BOD1L1: variants seen among roughly 807,000 people sequenced by gnomAD.
BOD1L1 encodes biorientation of chromosomes in cell division 1 like 1, also known as biorientation of chromosomes in cell division protein 1-like 1.
BOD1L1 carries 86 observed loss-of-function variants against 240.7 expected under a neutral mutation model. That is an observed-to-expected ratio of 0.36 (90% CI 0.30 to 0.43). The LOEUF is 0.43. BOD1L1 is among the 20% of genes least tolerant of loss of function. The pLI, the probability that BOD1L1 is intolerant of heterozygous loss-of-function variation, is 1.00. For missense variants in BOD1L1, 3,554 were observed against 3,643.5 expected (o/e 0.98, Z 0.63); for synonymous variants, 1,268 against 1,272.3 (o/e 1.00, Z 0.07).
At chr4:13,607,902 C>T (rs1010131507) in intron 8 of BOD1L1, among the ~76,000 whole-genome samples, 3 of 152,098 alleles carry the variant, frequency 2.0e-5, no homozygotes, top group Non-Finnish European at 4.4e-5. Flanking sequence ...ACTACTCTTA[C>T]CAAGTTCTGC....
At chr4:13,610,646 A>G (rs572837537) in intron 6 of BOD1L1, among the ~76,000 whole-genome samples, 1 of 152,354 alleles carries the variant, frequency 6.6e-6, no homozygotes, top group Admixed American at 6.5e-5. Context: ...CATCCCTAAG[A>G]TTTGTCACTA....
intron 2 of BOD1L1, among the ~76,000 whole-genome samples, chr4:13,617,069 A>T (rs1018103424): frequency 2.0e-5 from 3 of 151,928 alleles, no homozygotes; most frequent in Admixed American, 6.6e-5. Context: ...ACATGGTGAA[A>T]CCTCATCTCT....
chr4:13,623,358 T>A (rs1217590602), intron 1 of BOD1L1: 1 of 152,142 alleles, frequency 6.6e-6, no homozygotes, highest in Non-Finnish European at 1.5e-5. Context: ...AAATCAGACT[T>A]TCTTACTTGA....
At chr4:13,625,977 C>A (rs1717356413) in intron 1 of BOD1L1, 1 of 152,148 alleles carries the variant, frequency 6.6e-6, no homozygotes, top group Admixed American at 6.5e-5. Flanking sequence ...CACCTGAAAG[C>A]TTTAGAAGAA....
chr4:13,581,350 G>A, intron 19 of BOD1L1, 143 bp from the exon 20 acceptor site: 1 of 605,446 alleles, frequency 1.7e-6, no homozygotes, highest in East Asian at 2.8e-5. Context: ...AATATGTGAT[G>A]TAGGGCTTAG....
chr4:13,603,360 A>T lies in BOD1L1; in HGVS notation c.3540T>A (p.Ala1180=). 1 of 1,613,996 alleles carries T rather than the reference A, an allele frequency of 6.2e-7. No homozygotes were observed. The highest frequency in any genetic ancestry group is 2.2e-5 in the East Asian group (1 of 44,880). The change falls in exon 10 of 26, where the codon GCT becomes GCA. Residue 1180 remains alanine (A), a synonymous_variant. Coordinates refer to ENST00000040738, the MANE Select transcript of BOD1L1 (RefSeq NM_148894.3). ...CTADSKATAP[A]YKPGRGTGVN... ...CTCCTGTTCCACGGCCTGGCTTATA[A>T]GCTGGAGCTGTTGCTTTTGAATCTG...
chr4:13,601,831 A>T lies in BOD1L1; in HGVS notation c.5069T>A (p.Val1690Asp). ...TCTTATCTCTGTTCCAGCACTTGTA[A>T]CTGCTCCATCACTTTCAACTTCACT... ...FISEVESDGA[V>D]TSAGTEIRAG... The change falls in exon 10 of 26, where the codon GTT becomes GAT. Residue 1690 changes from valine to aspartate, a missense_variant. By Grantham distance (152) the Val-to-Asp change is radical (BLOSUM62 -3). Transcript: ENST00000040738. 1.2e-6 allele frequency: 2 copies of T among 1,613,890 alleles called. No homozygotes were observed. The highest frequency in any genetic ancestry group is 1.7e-6 in the Non-Finnish European group (2 of 1,179,876).
intron 1 of BOD1L1, among the ~76,000 whole-genome samples, chr4:13,622,661 C>T (rs1309757750): frequency 6.6e-6 from 1 of 152,192 alleles, no homozygotes; most frequent in African/African-American, 2.4e-5. Context: ...AAGGCATTCT[C>T]ATCTGTCTGA....
At chr4:13,585,688 T>C (rs768184739) in intron 17 of BOD1L1, among the ~76,000 whole-genome samples, 10 of 152,174 alleles carry the variant, frequency 6.6e-5, no homozygotes, top group South Asian at 4.1e-4. Flanking sequence ...TTTTGAATTA[T>C]AGGTCCCATA....
At chr4:13,625,245 T>A (rs948339926) in intron 1 of BOD1L1, 6 of 152,236 alleles carry the variant, frequency 3.9e-5, no homozygotes, top group Non-Finnish European at 8.8e-5. Flanking sequence ...TCTTATTCCA[T>A]GGTTCCTGAA....
rs150141176 is a variant in BOD1L1, at chr4:13,576,888, G to A, written c.8988C>T (p.Asp2996=). 329 of 1,613,816 alleles carry A rather than the reference G, an allele frequency of 2.0e-4. No homozygotes were observed. The highest frequency in any genetic ancestry group is 1.9e-3 in the African/African-American group (144 of 74,882). ...SDEEEEEEEE[D]EPSGATTRST... ...ATCTTGTGGTGGCTCCTGAAGGCTC[G>A]TCCTCTTCCTCTTCTTCCTCTTCCT... The change falls in exon 25 of 26, where the codon GAC becomes GAT. Residue 2996 remains aspartate, a synonymous_variant. Transcript: ENST00000040738.
intron 15 of BOD1L1, 139 bp from the exon 16 acceptor site, chr4:13,587,910 G>T: frequency 1.7e-6 from 1 of 594,140 alleles, no homozygotes; most frequent in African/African-American, 1.9e-5. Context: ...ACTTGGCCGG[G>T]TGCAGTGGCT....
chr4:13,582,275 G>C lies in BOD1L1; in HGVS notation c.8554C>G (p.Pro2852Ala), dbSNP rs1431774505. The C allele has an allele frequency of 1.2e-6, 2 of 1,613,458 alleles. No homozygotes were observed. The highest frequency in any genetic ancestry group is 3.3e-5 in the Admixed American group (2 of 59,982). ...YSSSETTGEK[P>A]EQNDDDTIKS... ...ATGGTGTCATCATCGTTCTGCTCTG[G>C]CTTTTCACCAGTAGTTTCACTGCTG... is the stretch of plus-strand genomic sequence containing the variant. Residue 2852 changes from proline to alanine, a missense_variant, in exon 19 of 26, where the codon CCA becomes GCA. Around this residue, in one of 2 missense-constraint regions of BOD1L1, gnomAD observed 3,393 missense variants for 3,427.1 expected, o/e 0.99. Coordinates refer to ENST00000040738, the MANE Select transcript of BOD1L1 (RefSeq NM_148894.3).
Position 13,604,547 on chromosome 4 carries a change from C to A in BOD1L1, c.2353G>T (p.Asp785Tyr). The change falls in exon 10 of 26, where the codon GAT (aspartate) becomes TAT (tyrosine). Residue 785 changes from aspartate (D) to tyrosine (Y), a missense_variant. Coordinates refer to ENST00000040738, the MANE Select transcript of BOD1L1 (RefSeq NM_148894.3). ...QSQQTKLSSD[D>Y]KTERKSKHRN... The stretch of plus-strand genomic sequence containing the variant: ...TGTTTACTTTTTCGTTCGGTTTTAT[C>A]ATCTGAAGAAAGCTTTGTTTGTTGA... 6.5e-7 allele frequency: 1 copy of A among 1,546,664 alleles called. No homozygotes were observed. Among genetic ancestry groups the A allele is most frequent in the South Asian group, 1.3e-5 (1 of 78,600 alleles).
At position 13,602,243 on chromosome 4, in the gene BOD1L1, G is replaced by T; in HGVS notation, c.4657C>A (p.Pro1553Thr). The T allele has an allele frequency of 6.2e-7, 1 of 1,613,804 alleles. No homozygotes were observed. Residue 1553 changes from proline (P) to threonine (T), a missense_variant, in exon 10 of 26, where the codon CCT becomes ACT. Pro to Thr is a conservative substitution (Grantham distance 38). Coordinates refer to ENST00000040738, the MANE Select transcript of BOD1L1 (RefSeq NM_148894.3). ...SETRQSEVAL[P>T]CTSIEADEGL... ...TCATCTGCCTCAATGCTGGTGCAAG[G>T]CAAAGCCACCTCACTTTGTCTTGTT...
chr4:13,600,200 C>T lies in BOD1L1; in HGVS notation c.6700G>A (p.Val2234Ile). The T allele has an allele frequency of 5.6e-6, 9 of 1,613,988 alleles. No individual in the cohort carries two copies. The highest frequency in any genetic ancestry group is 7.6e-6 in the Non-Finnish European group (9 of 1,179,888). ...CGCTCATTTTCACTTTCAACAACTA[C>T]ACCGGAAACAGAAGCCTCACATTCT... ...AEECEASVSGVVVESENERAG... is the reference protein window; with the variant it reads ...AEECEASVSGIVVESENERAG... The change falls in exon 10 of 26, where the codon GTA becomes ATA. Residue 2234 changes from valine to isoleucine, a missense_variant. Coordinates refer to ENST00000040738, the MANE Select transcript of BOD1L1 (RefSeq NM_148894.3).
intron 9 of BOD1L1, among the ~76,000 whole-genome samples, chr4:13,605,865 G>T (rs887190638): frequency 3.3e-5 from 5 of 152,052 alleles, no homozygotes; most frequent in African/African-American, 1.2e-4. Flanking sequence ...ATATGTTTAT[G>T]TATTCAAAAA....
Position 13,587,781 on chromosome 4 carries a change from A to G in BOD1L1, c.8281-10T>C. The G allele has an allele frequency of 6.5e-7, 1 of 1,532,218 alleles. No homozygotes were observed. Among genetic ancestry groups the G allele is most frequent in the Admixed American group, 2.0e-5 (1 of 51,136 alleles). The allele number at this position is 1,532,218 out of a possible 1,614,324, so 94.9% of individuals were successfully genotyped here. A position where few individuals can be genotyped will look rare whatever the true frequency, so the allele number is the denominator to read the frequency against. On this transcript the variant is annotated splice_polypyrimidine_tract_variant and intron_variant, in intron 15 of 25. Transcript: ENST00000040738. ...TTTCTTCCTCTTCAACCTGGAATTA[A>G]GAATGACTATATCAAAGGCCATAGA...
intron 17 of BOD1L1, among the ~76,000 whole-genome samples, chr4:13,584,267 A>C (rs902170086): frequency 5.3e-5 from 8 of 152,166 alleles, no homozygotes; most frequent in Non-Finnish European, 7.3e-5. Flanking sequence ...TTGCTCTGTT[A>C]TCAGCACATC....
Sources: allele counts gnomAD v4.1 joint callset (sites outside exome capture counted in the v4.1 genomes callset), GRCh38; gene constraint gnomAD v4.1.1; regional missense constraint gnomAD v4.1.1; transcripts MANE v1.5; gene names NCBI Gene and HGNC (gene_info 2026-07-23, HGNC 2026-07-21).